The following TEKT5 variants were observed in gnomAD, a reference collection of about 807,000 sequenced individuals.
TEKT5 encodes tektin 5.
TEKT5 carries 52 observed loss-of-function variants against 48.7 expected under a neutral mutation model. The ratio of observed to expected loss-of-function variants is 1.07; its 90% CI spans 0.86 to 1.35. The LOEUF (loss-of-function observed/expected upper bound fraction) is 1.35. Ranked by LOEUF, TEKT5 falls within the 40% of genes most tolerant of loss-of-function variation. The pLI is 0.00. For synonymous variants in TEKT5, 318 were observed against 267.6 expected, an observed-to-expected ratio of 1.19 and a Z score of -1.84; for missense variants, 831 against 641.6, an observed-to-expected ratio of 1.30 and a Z score of -3.19.
At chr16:10,664,521 T>TG (rs1263643078) in intron 5 of TEKT5, among the ~76,000 whole-genome samples, 4 of 152,228 alleles carry the variant, frequency 2.6e-5, no homozygotes, top group African/African-American at 9.6e-5. Flanking sequence ...TCCTCAGTCC[T>TG]GGGCTGTGCA....
At position 10,694,397 on chromosome 16, in the gene TEKT5, C is replaced by A. The variant is rs376675145; in HGVS notation, c.477G>T (p.Leu159=). 4 of 1,614,016 alleles carry A rather than the reference C, an allele frequency of 2.5e-6. No homozygotes were observed. The African/African-American group carries it at 5.3e-5, about 22-fold the overall frequency. ...GFWKSELSYE[L]DRLLTENQNL... is the part of the protein sequence containing the mutation. ...TCTGGTTCTCAGTCAGAAGCCTGTC[C>A]AGCTCATAGCTCAGCTCTGACTTCC... Residue 159 remains leucine (L), a synonymous_variant, in exon 1 of 7, where the codon CTG becomes CTT. Coordinates refer to ENST00000283025, the MANE Select transcript of TEKT5 (RefSeq NM_144674.2).
At chr16:10,660,440 G>A (rs1898346957) in intron 5 of TEKT5, among the ~76,000 whole-genome samples, 1 of 152,038 alleles carries the variant, frequency 6.6e-6, no homozygotes, top group Non-Finnish European at 1.5e-5. Flanking sequence ...GGTCAGTCAG[G>A]AGGCCCAGGT....
chr16:10,634,290 C>A (rs533698753), intron 6 of TEKT5, among the ~76,000 whole-genome samples: 2 of 152,294 alleles, frequency 1.3e-5, no homozygotes, highest in Admixed American at 6.5e-5. Context: ...GGGTGAACTT[C>A]CCTTGCTGTA....
intron 5 of TEKT5, among the ~76,000 whole-genome samples, chr16:10,657,688 C>T (rs2142282566): frequency 6.6e-6 from 1 of 151,406 alleles, no homozygotes; most frequent in East Asian, 1.9e-4. Flanking sequence ...CTCCCGGGTT[C>T]ATGCCATTCT....
chr16:10,690,129 G>T, intron 1 of TEKT5, 104 bp from the exon 2 acceptor site: 1 of 1,241,938 alleles, frequency 8.1e-7, no homozygotes, highest in South Asian at 1.3e-5. Context: ...CCTTTCTCCC[G>T]GAAACCTGGG....
intron 5 of TEKT5, among the ~76,000 whole-genome samples, chr16:10,663,577 G>C (rs933502419): frequency 1.3e-5 from 2 of 152,140 alleles, no homozygotes; most frequent in African/African-American, 4.8e-5. Flanking sequence ...AAGAGGAGAG[G>C]AGCGCTCCGG....
At chr16:10,664,226 C>T (rs1386097852) in intron 5 of TEKT5, among the ~76,000 whole-genome samples, 2 of 152,188 alleles carry the variant, frequency 1.3e-5, no homozygotes, top group Admixed American at 1.3e-4. Context: ...CAGCGCCTAA[C>T]TCAGTCTAGC....
chr16:10,682,140 C>A lies in TEKT5; in HGVS notation c.720-4G>T. ...GTGCTGAGCATCCCGGTTATCCCTGCAGGGAGGGAGGAGTCATTCCTGGAC... is the reference window on the plus strand; with the variant it reads ...GTGCTGAGCATCCCGGTTATCCCTGAAGGGAGGGAGGAGTCATTCCTGGAC... On this transcript the variant is annotated splice_polypyrimidine_tract_variant and splice_region_variant and intron_variant, in intron 3 of 6. Transcript: ENST00000283025. 6.2e-7 allele frequency: 1 copy of A among 1,613,794 alleles called. No individual in the cohort carries two copies. Among genetic ancestry groups the A allele is most frequent in the Non-Finnish European group, 8.5e-7 (1 of 1,179,816 alleles).
intron 5 of TEKT5, among the ~76,000 whole-genome samples, chr16:10,653,902 A>C (rs1898212051): frequency 6.6e-6 from 1 of 152,160 alleles, no homozygotes; most frequent in East Asian, 1.9e-4. Flanking sequence ...AATAAGAGTG[A>C]AACTCTGTCT....
chr16:10,684,982 G>A (rs980466409), intron 3 of TEKT5, among the ~76,000 whole-genome samples: 3 of 152,182 alleles, frequency 2.0e-5, no homozygotes, highest in African/African-American at 7.2e-5. Flanking sequence ...TCCCCAAGGG[G>A]GTGAGGACAC....
At chr16:10,688,587 G>A (rs1356760722) in intron 3 of TEKT5, among the ~76,000 whole-genome samples, 1 of 152,240 alleles carries the variant, frequency 6.6e-6, no homozygotes, top group Non-Finnish European at 1.5e-5. Flanking sequence ...CCCTGAAAGA[G>A]TCAAAGGTGA....
At chr16:10,639,161 GC>G (rs140830789) in intron 5 of TEKT5, among the ~76,000 whole-genome samples, 3,244 of 151,896 alleles carry the variant, frequency 0.021, 118 homozygotes, top group African/African-American at 0.075. Context: ...TTAAAAGTTA[GC>G]CAGGCATGGT....
chr16:10,651,922 A>G (rs1255037727), intron 5 of TEKT5, among the ~76,000 whole-genome samples: 2 of 152,284 alleles, frequency 1.3e-5, no homozygotes, highest in East Asian at 3.9e-4. Context: ...AGATGGCACT[A>G]CTGCACTCCA....
At chr16:10,644,266 C>T (rs1180130679) in intron 5 of TEKT5, among the ~76,000 whole-genome samples, 2 of 152,138 alleles carry the variant, frequency 1.3e-5, no homozygotes, top group African/African-American at 2.4e-5. Flanking sequence ...GACTACTATT[C>T]CCATTGCACA....
Position 10,635,809 on chromosome 16 carries a change from G to A in TEKT5, c.1196C>T (p.Thr399Ile). ...KVAQTRLECR[T>I]RRPNMELCRD... ...GCACAGCTCCATGTTGGGGCGCCGG[G>A]TCCGGCACTCCAGCCTTGTCTGGGC... Residue 399 changes from threonine to isoleucine, a missense_variant, in exon 6 of 7, where the codon ACC (threonine) becomes ATC (isoleucine). By Grantham distance (89) the Thr-to-Ile change is moderately conservative (BLOSUM62 -1). Transcript: ENST00000283025. 1 of 1,614,190 alleles carries A rather than the reference G, an allele frequency of 6.2e-7. No homozygotes were observed. The highest frequency in any genetic ancestry group is 1.1e-5 in the South Asian group (1 of 91,090).
At chr16:10,646,648 T>G (rs1455649328) in intron 5 of TEKT5, among the ~76,000 whole-genome samples, 2 of 151,858 alleles carry the variant, frequency 1.3e-5, no homozygotes, top group Admixed American at 1.3e-4. Flanking sequence ...TAAGAAAAAA[T>G]CCAGGAAAAA....
intron 5 of TEKT5, among the ~76,000 whole-genome samples, chr16:10,670,724 C>T (rs979182393): frequency 4.6e-5 from 7 of 152,034 alleles, no homozygotes; most frequent in African/African-American, 1.7e-4. Context: ...CAGATGGGTG[C>T]TAACTTATTT....
At chr16:10,690,209 T>C in intron 1 of TEKT5, 184 bp from the exon 2 acceptor site, 2 of 615,702 alleles carry the variant, frequency 3.2e-6, no homozygotes, top group South Asian at 4.2e-5. Flanking sequence ...ATGAGAGCTG[T>C]GGGTTGTCAT....
At chr16:10,684,870 C>G (rs79475576) in intron 3 of TEKT5, among the ~76,000 whole-genome samples, 1 of 152,194 alleles carries the variant, frequency 6.6e-6, no homozygotes, top group African/African-American at 2.4e-5. Context: ...TCACCTGGTG[C>G]AGCAAGGACC....
Sources: gnomAD v4.1 joint callset for allele counts (sites outside exome capture counted in the v4.1 genomes callset) on GRCh38, gnomAD v4.1.1 for gene constraint, MANE v1.5 for transcripts, NCBI Gene and HGNC (gene_info 2026-07-23, HGNC 2026-07-21) for gene names.